Variants in MACC1 observed in about 807,000 individuals in gnomAD.
The protein encoded by MACC1 is MET transcriptional regulator MACC1, also known as metastasis-associated in colon cancer protein 1.
Under a neutral mutation model 70.7 loss-of-function variants are expected in MACC1, and 79 were observed. That is an observed-to-expected ratio of 1.12 (90% confidence interval 0.93 to 1.35). The LOEUF (loss-of-function observed/expected upper bound fraction) is 1.35. MACC1 is among the 40% of genes most tolerant of loss of function. MACC1 has a pLI of 0.00. For synonymous variants in MACC1, 361 were observed against 347.2 expected, an observed-to-expected ratio of 1.04 and a Z score of -0.44; for missense variants, 1,106 against 978.1, an observed-to-expected ratio of 1.13 and a Z score of -1.74.
intron 1 of MACC1, among the ~76,000 whole-genome samples, chr7:20,197,333 T>A (rs891663494): frequency 3.9e-5 from 6 of 152,214 alleles, no homozygotes; most frequent in African/African-American, 1.4e-4. Context: ...TTTCAACTGC[T>A]GCTGTGTTTG....
At chr7:20,175,621 G>T (rs1046556591) in intron 1 of MACC1, among the ~76,000 whole-genome samples, 7 of 152,166 alleles carry the variant, frequency 4.6e-5, no homozygotes, top group African/African-American at 1.7e-4. Context: ...AGGGGGTTTT[G>T]TGCCTCTGGC....
intron 6 of MACC1, among the ~76,000 whole-genome samples, chr7:20,146,988 A>G (rs1340659867): frequency 6.6e-6 from 1 of 152,202 alleles, no homozygotes; most frequent in Non-Finnish European, 1.5e-5. Flanking sequence ...CTTTTTATAA[A>G]AAAGGGCAGC....
chr7:20,179,079 G>T (rs1489268079), intron 1 of MACC1, among the ~76,000 whole-genome samples: 1 of 151,978 alleles, frequency 6.6e-6, no homozygotes, highest in African/African-American at 2.4e-5. Flanking sequence ...GCTTCGTGCT[G>T]TGTTCTCAAC....
chr7:20,154,072 A>T, intron 6 of MACC1, 121 bp downstream of exon 6: 1 of 955,436 alleles, frequency 1.0e-6, no homozygotes, highest in Non-Finnish European at 1.6e-6. Flanking sequence ...GCAGTGATTC[A>T]GTTAGTGGAT....
At chr7:20,175,920 A>G (rs548514028) in intron 1 of MACC1, among the ~76,000 whole-genome samples, 1 of 152,258 alleles carries the variant, frequency 6.6e-6, no homozygotes, top group African/African-American at 2.4e-5. Context: ...ATTGTAGGCT[A>G]CAAAGAAAAG....
At chr7:20,182,652 G>A (rs976167691) in intron 1 of MACC1, among the ~76,000 whole-genome samples, 2 of 152,114 alleles carry the variant, frequency 1.3e-5, no homozygotes, top group African/African-American at 2.4e-5. Flanking sequence ...AGAGTTGCCT[G>A]TCTTGCTACC....
rs374793406 is a variant in MACC1, at chr7:20,158,225, C to A, written c.2136G>T (p.Lys712Asn). 1 of 1,583,782 alleles carries A rather than the reference C, an allele frequency of 6.3e-7. No individual in the cohort carries two copies. Residue 712 changes from lysine to asparagine, a missense_variant, in exon 5 of 7, where the codon AAG becomes AAT. Transcript: ENST00000400331. ...TCACCACAATAAGTTCATACAGAAA[C>A]TTCCTTGTATTTCTCTCTGTGTGGC... is the stretch of plus-strand genomic sequence containing the variant. ...EDCHTERNTR[K>N]FLYELIVALL...
intron 2 of MACC1, among the ~76,000 whole-genome samples, chr7:20,166,031 C>A (rs777098648): frequency 2.0e-5 from 3 of 152,130 alleles, no homozygotes; most frequent in Non-Finnish European, 2.9e-5. Flanking sequence ...AAACAATACA[C>A]TTAAAAGAAT....
chr7:20,212,160 T>C (rs1307197083), intron 1 of MACC1, among the ~76,000 whole-genome samples: 3 of 152,244 alleles, frequency 2.0e-5, no homozygotes, highest in Non-Finnish European at 4.4e-5. Flanking sequence ...TACTTTTTTA[T>C]CTTTAATATT....
rs537698291 is a variant in MACC1 at position 20,161,812 on chromosome 7, A to G, written c.51T>C (p.Ser17=). 1.2e-6 allele frequency: 2 copies of G among 1,612,728 alleles called. No individual in the cohort carries two copies. The highest frequency in any genetic ancestry group is 2.2e-5 in the East Asian group (1 of 44,728). ...KHFRSGRIAQ[S]MSEANLIDME... ...TGTCAATCAAATTTGCTTCAGACAT[A>G]CTTTGTGCAATTCTTCCTGACCGAA... The change falls in exon 4 of 7, where the codon AGT becomes AGC. Residue 17 remains serine, a synonymous_variant. Coordinates refer to ENST00000400331, the MANE Select transcript of MACC1 (RefSeq NM_182762.4).
At chr7:20,176,799 A>G (rs1159017896) in intron 1 of MACC1, among the ~76,000 whole-genome samples, 1 of 152,188 alleles carries the variant, frequency 6.6e-6, no homozygotes, top group Non-Finnish European at 1.5e-5. Flanking sequence ...CTCAGGCATT[A>G]TGCTGTGTGA....
chr7:20,143,856 C>G (rs545527622), intron 6 of MACC1, among the ~76,000 whole-genome samples: 11 of 152,234 alleles, frequency 7.2e-5, no homozygotes, highest in South Asian at 6.2e-4. Flanking sequence ...GAATATTGCC[C>G]TAAACCGATT....
rs915948986 is a variant in MACC1 at position 20,159,957 on chromosome 7, C to A, written c.404G>T (p.Gly135Val). 1.9e-6 allele frequency: 3 copies of A among 1,614,034 alleles called. No individual in the cohort carries two copies. The East Asian group carries it at 6.7e-5, about 36-fold the overall frequency. The change falls in exon 5 of 7, where the codon GGA becomes GTA. Residue 135 changes from glycine (G) to valine (V), a missense_variant. Transcript: ENST00000400331. ...AAGTTCTGAAACACTTTTAGATCTT[C>A]CAGAATTTCTTGAGGAAGTCTGCCT... ...LLRQTSSRNS[G>V]RSKSVSELLD... is the part of the protein sequence containing the mutation.
intron 2 of MACC1, among the ~76,000 whole-genome samples, chr7:20,167,702 C>A (rs1044214217): frequency 2.6e-5 from 4 of 151,832 alleles, no homozygotes; most frequent in African/African-American, 9.7e-5. Context: ...TACACCCTGA[C>A]CCTGTTGCTG....
chr7:20,183,752 G>A (rs1370001490), intron 1 of MACC1, among the ~76,000 whole-genome samples: 5 of 138,136 alleles, frequency 3.6e-5, no homozygotes, highest in Non-Finnish European at 6.0e-5. Flanking sequence ...TCTGTTTCCC[G>A]GGCTGGAGTG....
At chr7:20,155,321 A>T (rs1387244330) in intron 5 of MACC1, among the ~76,000 whole-genome samples, 1 of 152,238 alleles carries the variant, frequency 6.6e-6, no homozygotes, top group Admixed American at 6.5e-5. Context: ...AATTTTATAC[A>T]CACTGTGTTT....
At chr7:20,198,665 C>T (rs1462826037) in intron 1 of MACC1, 3 of 152,284 alleles carry the variant, frequency 2.0e-5, no homozygotes, top group Middle Eastern at 3.4e-3. Flanking sequence ...TTTCTTCTGT[C>T]GCTTTCTAAC....
rs368895050 is a variant in MACC1, at chr7:20,205,522, G to A, written c.-218+11777C>T. On this transcript the variant is annotated intron_variant, in intron 1 of 6. Coordinates refer to ENST00000400331, the MANE Select transcript of MACC1 (RefSeq NM_182762.4). Reference sequence around the variant, plus strand: ...TTCAATCTATTTTTTTTTTGTAGTCGCCTGTGAAAAGAAAGTTTGTTTCTT... The same window carrying A: ...TTCAATCTATTTTTTTTTTGTAGTCACCTGTGAAAAGAAAGTTTGTTTCTT... Among the ~76,000 whole-genome samples, 610 of 151,418 alleles carry A rather than the reference G, an allele frequency of 4.0e-3. 4 individuals are homozygous for A. The highest frequency in any genetic ancestry group is 7.1e-3 in the South Asian group (34 of 4,766).
intron 1 of MACC1, among the ~76,000 whole-genome samples, chr7:20,188,879 C>A (rs1289652031): frequency 6.6e-6 from 1 of 152,162 alleles, no homozygotes; most frequent in Non-Finnish European, 1.5e-5. Context: ...CTTGTAATAG[C>A]TTCCTTTCTC....
Sources: allele counts gnomAD v4.1 joint callset (sites outside exome capture counted in the v4.1 genomes callset), GRCh38; gene constraint gnomAD v4.1.1; transcripts MANE v1.5; gene names NCBI Gene and HGNC (gene_info 2026-07-23, HGNC 2026-07-21).